The following TACC2 variants were observed in gnomAD, a reference collection of about 807,000 sequenced individuals.
The protein encoded by TACC2 is transforming acidic coiled-coil containing protein 2.
Under a neutral mutation model 227.3 loss-of-function variants are expected in TACC2, and 137 were observed. That is an observed-to-expected ratio of 0.60 (90% CI 0.52 to 0.69). TACC2 has a LOEUF of 0.69. Among genes scored for constraint, TACC2 ranks in the 30% least tolerant of loss-of-function variants. The pLI is 0.00. For missense variants in TACC2, 3,470 were observed against 3,694.4 expected (o/e 0.94, Z 1.57); for synonymous variants, 1,523 against 1,487.5 (o/e 1.02, Z -0.55).
chr10:122,204,056 G>T (rs1410501063), intron 8 of TACC2, among the ~76,000 whole-genome samples: 2 of 151,272 alleles, frequency 1.3e-5, no homozygotes, highest in African/African-American at 4.9e-5. Flanking sequence ...CACTCGGCAG[G>T]CTGAGGCAGG....
chr10:122,085,356 A>G lies in TACC2; in HGVS notation c.2856A>G (p.Ala952=). The part of the protein sequence containing the change: ...PALGEKRPEG[A]CGDGQSSRVS... ...TAGGGGAGAAGCGGCCAGAGGGAGC[A>G]TGCGGTGATGGTCAGTCCTCGAGGG... The change falls in exon 4 of 23, where the codon GCA becomes GCG. Residue 952 remains alanine (A), a synonymous_variant. Transcript: ENST00000369005. 3.1e-6 allele frequency: 5 copies of G among 1,614,042 alleles called. No individual in the cohort carries two copies. Among genetic ancestry groups the G allele is most frequent in the Non-Finnish European group, 4.2e-6 (5 of 1,180,026 alleles).
chr10:122,105,624 C>CTT lies in TACC2; in HGVS notation c.5573+17045_5573+17046dup, dbSNP rs10700461. Among the ~76,000 whole-genome samples, 676 of 144,538 alleles carry CTT rather than the reference C, an allele frequency of 4.7e-3. 14 individuals are homozygous for CTT. Among genetic ancestry groups the CTT allele is most frequent in the African/African-American group, 0.011 (453 of 39,444 alleles). 94.8% of individuals were successfully genotyped at this position (144,538 alleles called of 152,430 possible). On this transcript the variant is annotated intron_variant, in intron 5 of 22. Transcript: ENST00000369005. The stretch of plus-strand genomic sequence containing the variant: ...TCCACGTAGCGTCCTGTCTTAAACA[C>CTT]TTTTTTTTTTTTTGAGATGGAGTCT...
At chr10:122,136,176 A>G (rs1222509940) in intron 6 of TACC2, among the ~76,000 whole-genome samples, 2 of 152,236 alleles carry the variant, frequency 1.3e-5, no homozygotes, top group East Asian at 1.9e-4. Context: ...TCTAGAGGCA[A>G]TAATTCAGTG....
intron 4 of TACC2, among the ~76,000 whole-genome samples, 162 bp from the exon 5 acceptor site, chr10:122,088,316 A>G (rs2080312589): frequency 6.6e-6 from 1 of 150,520 alleles, no homozygotes; most frequent in African/African-American, 2.4e-5. Flanking sequence ...CTGCTTTTGA[A>G]TCTGGATTTA....
chr10:122,175,533 C>T (rs1242372257), intron 7 of TACC2, among the ~76,000 whole-genome samples: 5 of 152,084 alleles, frequency 3.3e-5, no homozygotes, highest in African/African-American at 4.8e-5. Context: ...TTGCATTTCT[C>T]GATGTAGGCT....
intron 5 of TACC2, among the ~76,000 whole-genome samples, chr10:122,119,789 T>G: frequency 6.6e-6 from 1 of 152,062 alleles, no homozygotes; most frequent in South Asian, 2.1e-4. Context: ...TGTGGTGGTA[T>G]GCACCCGTCA....
intron 5 of TACC2, among the ~76,000 whole-genome samples, chr10:122,125,954 T>G (rs906120973): frequency 1.3e-5 from 2 of 152,004 alleles, no homozygotes; most frequent in Non-Finnish European, 2.9e-5. Flanking sequence ...TTTTTTTGTA[T>G]TTTTAGTAGA....
chr10:122,090,237 G>A (rs886490441), intron 5 of TACC2, among the ~76,000 whole-genome samples: 1 of 151,976 alleles, frequency 6.6e-6, no homozygotes, highest in Admixed American at 6.5e-5. Context: ...CAGAATACTT[G>A]TGAGGTATGG....
chr10:122,020,229 T>A (rs1957165844), intron 1 of TACC2, among the ~76,000 whole-genome samples: 1 of 152,174 alleles, frequency 6.6e-6, no homozygotes, highest in Non-Finnish European at 1.5e-5. Context: ...TAATGAGGGA[T>A]CATCTTCCAA....
intron 8 of TACC2, among the ~76,000 whole-genome samples, chr10:122,208,005 A>G (rs2095179932): frequency 6.6e-6 from 1 of 152,164 alleles, no homozygotes; most frequent in Admixed American, 6.5e-5. Flanking sequence ...GAGCAGGAAG[A>G]GGAGGTCACG....
chr10:122,237,351 A>T, intron 16 of TACC2, 44 bp from the exon 17 acceptor site: 1 of 1,574,136 alleles, frequency 6.4e-7, no homozygotes, highest in Non-Finnish European at 8.6e-7. Context: ...TTGTCGTATG[A>T]TTAATGCTAA....
At position 122,226,392 on chromosome 10, in the gene TACC2, G is replaced by A. The variant is rs761319926; in HGVS notation, c.7635G>A (p.Gln2545=). The A allele has an allele frequency of 2.5e-6, 4 of 1,613,970 alleles. No homozygotes were observed. The highest frequency in any genetic ancestry group is 3.4e-6 in the Non-Finnish European group (4 of 1,180,008). ...AGGACGACGATGCCCCGAAGAAGCA[G>A]GCCTTGTACCTTATGTTTGACACTT... is the stretch of plus-strand genomic sequence containing the variant. ...LPQDDDAPKK[Q]ALYLMFDTSQ... is the part of the protein sequence containing the mutation. Residue 2545 remains glutamine (Q), a synonymous_variant, in exon 13 of 23, where the codon CAG becomes CAA. Transcript: ENST00000369005.
In TACC2 at chr10:122,083,965, G is replaced by A; in HGVS notation, c.1465G>A (p.Val489Ile). Residue 489 changes from valine to isoleucine, a missense_variant, in exon 4 of 23, where the codon GTT (valine) becomes ATT (isoleucine). Coordinates refer to ENST00000369005, the MANE Select transcript of TACC2 (RefSeq NM_206862.4). ...GCATCCAGAAGGGGACCCTGGAGAG[G>A]TTCCTGCCCCATCACCCCAGGAGAG... ...GEHPEGDPGEVPAPSPQERGE... is the reference protein window; with the variant it reads ...GEHPEGDPGEIPAPSPQERGE... The A allele has an allele frequency of 1.2e-6, 2 of 1,614,030 alleles. No individual in the cohort carries two copies. The highest frequency in any genetic ancestry group is 4.5e-5 in the East Asian group (2 of 44,868).
chr10:122,213,247 A>T (rs1475664046), intron 9 of TACC2: 1 of 1,346,106 alleles, frequency 7.4e-7, no homozygotes, highest in Admixed American at 1.7e-5. Context: ...GGTGGCCGCC[A>T]TATCCTAACC....
chr10:122,069,856 G>A (rs145310806), intron 3 of TACC2, among the ~76,000 whole-genome samples: 1 of 152,272 alleles, frequency 6.6e-6, no homozygotes, highest in East Asian at 1.9e-4. Context: ...TTGTATCACC[G>A]ACACTTGCAG....
In TACC2 at chr10:122,210,331, A is replaced by T. The variant is rs775117890; in HGVS notation, c.5972-66A>T. ...CTACGCTGGAGGGTGATGTTTTGGT[A>T]CAAGAGGAGAGGTGCCCCAATGCGT... On this transcript the variant is annotated intron_variant, in intron 8 of 22. Transcript: ENST00000369005. The surrounding 1 kb of genome is among the most constrained non-coding windows in gnomAD (Gnocchi z 4.6). 1.6e-6 allele frequency: 2 copies of T among 1,282,956 alleles called. No homozygotes were observed. Among genetic ancestry groups the T allele is most frequent in the Non-Finnish European group, 2.3e-6 (2 of 883,110 alleles). The allele number at this position is 1,282,956 out of a possible 1,614,324, so 79.5% of individuals were successfully genotyped here. A position where few individuals can be genotyped will look rare whatever the true frequency, so the allele number is the denominator to read the frequency against.
chr10:122,022,039 C>T (rs112193285), intron 2 of TACC2, 25 bp downstream of exon 2: 34 of 1,613,512 alleles, frequency 2.1e-5, no homozygotes, highest in Admixed American at 8.3e-5. Flanking sequence ...GCTTCTCTCT[C>T]GAGCTACGTG....
chr10:122,042,157 G>A (rs1459582304), intron 2 of TACC2, among the ~76,000 whole-genome samples: 2 of 152,160 alleles, frequency 1.3e-5, no homozygotes, highest in East Asian at 3.9e-4. Flanking sequence ...GTGTTAGCCA[G>A]GATGGTCTCA....
chr10:122,123,398 C>T (rs528678148), intron 5 of TACC2, among the ~76,000 whole-genome samples: 1 of 152,302 alleles, frequency 6.6e-6, no homozygotes, highest in African/African-American at 2.4e-5. Context: ...TTTCCAGATC[C>T]AGAAGAGATG....
Sources: allele counts gnomAD v4.1 joint callset (sites outside exome capture counted in the v4.1 genomes callset), GRCh38; gene constraint gnomAD v4.1.1; non-coding constraint Gnocchi (gnomAD v3.1); transcripts MANE v1.5; gene names NCBI Gene and HGNC (gene_info 2026-07-23, HGNC 2026-07-21).